The following GALNT13 variants were observed in gnomAD, a reference collection of about 807,000 sequenced individuals.
GALNT13 encodes UDP-GalNAc:polypeptide N-acetylgalactosaminyltransferase 13.
A neutral mutation model predicts 64.2 loss-of-function variants in GALNT13; 28 were observed. That is an observed-to-expected ratio of 0.44 (90% CI 0.32 to 0.60). The LOEUF (loss-of-function observed/expected upper bound fraction) is 0.60, where lower values mean the gene tolerates loss of function less well. Ranked by LOEUF, GALNT13 falls within the 20% of genes least tolerant of loss-of-function variation. The probability of loss-of-function intolerance (pLI) is 0.05; values close to 1 mark genes in which losing one functional copy is unlikely to be tolerated. For missense variants in GALNT13, 577 were observed against 669.8 expected (o/e 0.86, Z 1.53); for synonymous variants, 214 against 224.6 (o/e 0.95, Z 0.42).
chr2:153,510,197 C>A, the GALNT13 span, among the ~76,000 whole-genome samples: 2 of 152,152 alleles, frequency 1.3e-5, no homozygotes, highest in African/African-American at 4.8e-5. Flanking sequence ...TTTAGTCTGT[C>A]CCAATTTCAT....
At chr2:153,632,408 G>T in the GALNT13 span, among the ~76,000 whole-genome samples, 1 of 151,964 alleles carries the variant, frequency 6.6e-6, no homozygotes, top group Admixed American at 6.6e-5. Context: ...TTTGTGTGGT[G>T]GGGTTTTTTG....
chr2:154,437,013 C>T (rs1215303367), intron 11 of GALNT13: 1 of 152,270 alleles, frequency 6.6e-6, no homozygotes, highest in East Asian at 1.9e-4. Flanking sequence ...CCCACTCAGC[C>T]TCCCAAGTAG....
intron 8 of GALNT13, among the ~76,000 whole-genome samples, chr2:154,288,854 G>A (rs1692433594): frequency 6.6e-6 from 1 of 152,202 alleles, no homozygotes. Flanking sequence ...GGCTTTTCCA[G>A]GACATGGTGC....
At chr2:153,370,525 T>C in the GALNT13 span, 1 of 152,146 alleles carries the variant, frequency 6.6e-6, no homozygotes, top group Admixed American at 6.6e-5. Context: ...AATCTATCAA[T>C]ATCATGAATG....
intron 9 of GALNT13, among the ~76,000 whole-genome samples, chr2:154,374,438 G>T (rs531884245): frequency 6.6e-6 from 1 of 152,140 alleles, no homozygotes; most frequent in African/African-American, 2.4e-5. Context: ...AAGGAAAACC[G>T]ATGAGCTGTT....
At chr2:153,516,985 AC>A in the GALNT13 span, among the ~76,000 whole-genome samples, 2 of 151,820 alleles carry the variant, frequency 1.3e-5, no homozygotes, top group Non-Finnish European at 2.9e-5. Context: ...TTAATTAGTA[AC>A]TATTTTTTCC....
chr2:153,754,995 C>T, the GALNT13 span, among the ~76,000 whole-genome samples: 2 of 152,112 alleles, frequency 1.3e-5, no homozygotes, highest in East Asian at 1.9e-4. Context: ...TTCAATGCCT[C>T]AAAATTGCTG....
chr2:154,280,722 G>T (rs1363921989), intron 8 of GALNT13, among the ~76,000 whole-genome samples: 1 of 152,170 alleles, frequency 6.6e-6, no homozygotes, highest in African/African-American at 2.4e-5. Flanking sequence ...ATTCAAAGGG[G>T]ACTGGTTTGG....
the GALNT13 span, among the ~76,000 whole-genome samples, chr2:153,076,740 C>T: frequency 2.6e-5 from 4 of 151,916 alleles, no homozygotes; most frequent in African/African-American, 9.7e-5. Flanking sequence ...CTCTAAGTTT[C>T]CATAAGTTAT....
the GALNT13 span, among the ~76,000 whole-genome samples, chr2:153,153,211 A>C: frequency 4.6e-5 from 7 of 151,766 alleles, no homozygotes; most frequent in Non-Finnish European, 1.0e-4. Flanking sequence ...CCTTTTGAAA[A>C]GTGTTCATGT....
At chr2:154,081,279 A>G (rs1416309021) in intron 3 of GALNT13, among the ~76,000 whole-genome samples, 1 of 151,576 alleles carries the variant, frequency 6.6e-6, no homozygotes, top group Non-Finnish European at 1.5e-5. Flanking sequence ...TTAAAACACC[A>G]CAATATTGAC....
chr2:153,722,206 T>A, the GALNT13 span, among the ~76,000 whole-genome samples: 9 of 145,848 alleles, frequency 6.2e-5, no homozygotes, highest in Admixed American at 2.7e-4. Flanking sequence ...CCTGAATGAC[T>A]ACTGGGTACA....
the GALNT13 span, among the ~76,000 whole-genome samples, chr2:153,814,506 T>TAAAA: frequency 1.4e-5 from 2 of 139,402 alleles, no homozygotes; most frequent in South Asian, 4.5e-4. Flanking sequence ...AATAAATAAA[T>TAAAA]AAAACAATTC....
At chr2:154,224,236 A>G (rs1328537813) in intron 4 of GALNT13, among the ~76,000 whole-genome samples, 1 of 152,128 alleles carries the variant, frequency 6.6e-6, no homozygotes, top group African/African-American at 2.4e-5. Flanking sequence ...ACATTTTAAT[A>G]GGAGTTTAGG....
chr2:153,475,505 C>A, the GALNT13 span, among the ~76,000 whole-genome samples: 1 of 152,174 alleles, frequency 6.6e-6, no homozygotes, highest in Admixed American at 6.5e-5. Context: ...CTAAGAGGAA[C>A]AAGATAGAGA....
chr2:154,117,099 C>G (rs549658987), intron 3 of GALNT13, among the ~76,000 whole-genome samples: 1 of 152,220 alleles, frequency 6.6e-6, no homozygotes, highest in Admixed American at 6.5e-5. Flanking sequence ...ATTCTTTTCA[C>G]ATTTTTCTGC....
At chr2:154,398,931 C>T (rs139799061) in intron 10 of GALNT13, among the ~76,000 whole-genome samples, 78 of 152,216 alleles carry the variant, frequency 5.1e-4, no homozygotes, top group African/African-American at 1.8e-3. Context: ...ATTTTATTAT[C>T]GCAGGGTTAA....
the GALNT13 span, among the ~76,000 whole-genome samples, chr2:153,318,803 A>G: frequency 3.9e-5 from 6 of 152,236 alleles, no homozygotes; most frequent in African/African-American, 1.4e-4. Flanking sequence ...ATATCTAGAA[A>G]TCATTTTGTG....
intron 3 of GALNT13, among the ~76,000 whole-genome samples, chr2:154,129,172 C>T (rs1682469647): frequency 6.6e-6 from 1 of 152,072 alleles, no homozygotes; most frequent in Non-Finnish European, 1.5e-5. Flanking sequence ...CCTAAACTAC[C>T]TTTTATGGTT....
Sources: allele counts gnomAD v4.1 joint callset (sites outside exome capture counted in the v4.1 genomes callset), GRCh38; gene constraint gnomAD v4.1.1; transcripts MANE v1.5; gene names NCBI Gene and HGNC (gene_info 2026-07-23, HGNC 2026-07-21).